WDR70: variants seen among roughly 807,000 people sequenced by gnomAD.
WDR70 encodes the protein WD repeat domain 70, also known as WD repeat-containing protein 70.
A neutral mutation model predicts 88.6 loss-of-function variants in WDR70; 53 were observed. The ratio of observed to expected loss-of-function variants is 0.60; its 90% CI spans 0.48 to 0.75. WDR70 has a LOEUF of 0.75. Ranked by LOEUF, WDR70 falls within the 30% of genes least tolerant of loss-of-function variation. WDR70 has a pLI of 0.00. For synonymous variants in WDR70, 280 were observed against 270.0 expected, an observed-to-expected ratio of 1.04 and a Z score of -0.36; for missense variants, 610 against 823.2, an observed-to-expected ratio of 0.74 and a Z score of 3.17.
chr5:37,591,977 A>G (rs978736183), intron 9 of WDR70, among the ~76,000 whole-genome samples: 5 of 152,244 alleles, frequency 3.3e-5, no homozygotes, highest in African/African-American at 9.6e-5. Context: ...TCCAGCATTC[A>G]TTCATGATAA....
chr5:37,391,961 GTTGGGAT>G, intron 3 of WDR70, 32 bp from the exon 4 acceptor site: 1 of 1,578,086 alleles, frequency 6.3e-7, no homozygotes, highest in Non-Finnish European at 8.6e-7. Context: ...AATTGTAACC[GTTGGGAT>G]TTTTTTGTTA....
At chr5:37,507,679 A>G (rs1449321358) in intron 8 of WDR70, among the ~76,000 whole-genome samples, 1 of 152,096 alleles carries the variant, frequency 6.6e-6, no homozygotes, top group Non-Finnish European at 1.5e-5. Context: ...ATATCTCCCC[A>G]CTTATTTAGG....
chr5:37,398,837 A>G (rs897952198), intron 5 of WDR70, among the ~76,000 whole-genome samples: 4 of 152,174 alleles, frequency 2.6e-5, no homozygotes, highest in African/African-American at 7.2e-5. Flanking sequence ...GCTTTTAAAT[A>G]TCTCTGTAGG....
rs1284403467 is a variant in WDR70, at chr5:37,724,993, A to G, written c.1657A>G (p.Lys553Glu). Reference protein sequence around the residue: ...RQRSTRKQLEKDRLDPLKSHK... With the variant: ...RQRSTRKQLEEDRLDPLKSHK... Reference sequence around the variant, plus strand: ...ACGGAGTACAAGGAAACAGCTGGAGAAGGACAGACTGGATCCCCTGAAGTC... The same window carrying G: ...ACGGAGTACAAGGAAACAGCTGGAGGAGGACAGACTGGATCCCCTGAAGTC... The change falls in exon 16 of 18, where the codon AAG becomes GAG. Residue 553 changes from lysine to glutamate, a missense_variant. Physicochemically the swap from Lys to Glu is moderately conservative, Grantham distance 56. This residue lies in a region of WDR70 where 70 missense variants were observed against 139.2 expected (regional missense o/e 0.50). Transcript: ENST00000265107. 1 of 1,613,520 alleles carries G rather than the reference A, an allele frequency of 6.2e-7. No individual in the cohort carries two copies. Among genetic ancestry groups the G allele is most frequent in the Non-Finnish European group, 8.5e-7 (1 of 1,179,732 alleles).
At chr5:37,544,267 T>C (rs990448475) in intron 9 of WDR70, among the ~76,000 whole-genome samples, 2 of 152,130 alleles carry the variant, frequency 1.3e-5, no homozygotes, top group African/African-American at 4.8e-5. Flanking sequence ...AGTCTTCCAC[T>C]TGGAGAGGCA....
rs1177138392 is a variant in WDR70, at chr5:37,404,609, A to G, written c.492+8039A>G. Among the ~76,000 whole-genome samples, 3 of 152,312 alleles carry G rather than the reference A, an allele frequency of 2.0e-5. No homozygotes were observed. The East Asian group carries it at 5.8e-4, about 29-fold the overall frequency. On this transcript the variant is annotated intron_variant, in intron 5 of 17. Transcript: ENST00000265107. ...ATTTTTATATCCTTGTAGTGCCTGA[A>G]TTAACTATACCTATTAAATCATAAT...
chr5:37,439,596 G>C (rs1360736744), intron 6 of WDR70, among the ~76,000 whole-genome samples: 1 of 148,156 alleles, frequency 6.7e-6, no homozygotes, highest in Non-Finnish European at 1.5e-5. Flanking sequence ...AAATCAATTA[G>C]AGTGTCTAAT....
At chr5:37,656,732 C>CT (rs1005974315) in intron 10 of WDR70, among the ~76,000 whole-genome samples, 75 of 152,316 alleles carry the variant, frequency 4.9e-4, no homozygotes, top group African/African-American at 1.7e-3. Flanking sequence ...TTCCCAGTGG[C>CT]TTTGTTAAAA....
chr5:37,401,564 A>G (rs151289008), intron 5 of WDR70, among the ~76,000 whole-genome samples: 14,523 of 150,864 alleles, frequency 0.096, 2,266 homozygotes, highest in African/African-American at 0.33. Flanking sequence ...TAATCCACCT[A>G]CCTTGGCCTC....
intron 4 of WDR70, among the ~76,000 whole-genome samples, chr5:37,395,634 C>T (rs1199151341): frequency 6.6e-6 from 1 of 152,106 alleles, no homozygotes; most frequent in Non-Finnish European, 1.5e-5. Context: ...GTAATATTAA[C>T]TTCCTTACAT....
chr5:37,519,048 C>A (rs949753598), intron 9 of WDR70, among the ~76,000 whole-genome samples: 3 of 152,196 alleles, frequency 2.0e-5, no homozygotes, highest in Non-Finnish European at 4.4e-5. Flanking sequence ...AAGAATTTTT[C>A]TTAGTACAGA....
At chr5:37,516,975 G>C (rs561047136) in intron 9 of WDR70, among the ~76,000 whole-genome samples, 2 of 152,158 alleles carry the variant, frequency 1.3e-5, no homozygotes, top group East Asian at 3.9e-4. Context: ...GCCTGCCTCA[G>C]CCTCCCAAAG....
At chr5:37,511,444 T>G (rs935294115) in intron 8 of WDR70, among the ~76,000 whole-genome samples, 7 of 152,180 alleles carry the variant, frequency 4.6e-5, no homozygotes, top group Non-Finnish European at 7.4e-5. Context: ...TACTTTCTTT[T>G]TTTTTTTAAT....
At chr5:37,752,102 A>G (rs967809983) in intron 17 of WDR70, among the ~76,000 whole-genome samples, 2 of 152,228 alleles carry the variant, frequency 1.3e-5, no homozygotes, top group African/African-American at 4.8e-5. Context: ...AATGGTCTTA[A>G]TAAAGATCAT....
At chr5:37,692,531 T>C (rs993837603) in intron 10 of WDR70, among the ~76,000 whole-genome samples, 1 of 152,172 alleles carries the variant, frequency 6.6e-6, no homozygotes, top group East Asian at 1.9e-4. Context: ...TCAAGTCAGC[T>C]TCATCCTTGG....
chr5:37,437,399 T>C (rs4869431), intron 5 of WDR70, among the ~76,000 whole-genome samples: 132,424 of 152,098 alleles, frequency 0.87, 60,515 homozygotes, highest in East Asian at 1. Context: ...AAAAAATTTT[T>C]GATGTTGAAA....
At chr5:37,749,686 C>T (rs1561104897) in intron 17 of WDR70, among the ~76,000 whole-genome samples, 1 of 151,980 alleles carries the variant, frequency 6.6e-6, no homozygotes, top group Non-Finnish European at 1.5e-5. Flanking sequence ...AACTGTCTTA[C>T]CTTCCAAACA....
At chr5:37,542,937 G>A (rs1018153660) in intron 9 of WDR70, among the ~76,000 whole-genome samples, 3 of 152,128 alleles carry the variant, frequency 2.0e-5, no homozygotes, top group South Asian at 2.1e-4. Flanking sequence ...TTCACCCCAC[G>A]AATCTGAGCT....
chr5:37,615,420 T>G (rs1744309836), intron 10 of WDR70, among the ~76,000 whole-genome samples: 1 of 152,116 alleles, frequency 6.6e-6, no homozygotes, highest in Admixed American at 6.5e-5. Context: ...TCACAGGGAA[T>G]ACAATAGGAA....
Sources: allele counts gnomAD v4.1 joint callset (sites outside exome capture counted in the v4.1 genomes callset), GRCh38; gene constraint gnomAD v4.1.1; regional missense constraint gnomAD v4.1.1; transcripts MANE v1.5; gene names NCBI Gene and HGNC (gene_info 2026-07-23, HGNC 2026-07-21).